Variants in THSD7B observed in about 807,000 individuals in gnomAD.
The protein encoded by THSD7B is thrombospondin type-1 domain-containing protein 7B.
THSD7B carries 138 observed loss-of-function variants against 213.6 expected under a neutral mutation model. The ratio of observed to expected loss-of-function variants is 0.65; its 90% CI spans 0.56 to 0.74. The LOEUF (loss-of-function observed/expected upper bound fraction) is 0.74, where lower values mean the gene tolerates loss of function less well. Among genes scored for constraint, THSD7B ranks in the 30% least tolerant of loss-of-function variants. The pLI is 0.00. For synonymous variants in THSD7B, 742 were observed against 687.0 expected (o/e 1.08, Z -1.25); for missense variants, 1,931 against 1,991.5 (o/e 0.97, Z 0.58).
At chr2:137,620,047 T>A (rs1682487995) in intron 19 of THSD7B, among the ~76,000 whole-genome samples, 1 of 152,182 alleles carries the variant, frequency 6.6e-6, no homozygotes, top group Non-Finnish European at 1.5e-5. Context: ...CATTAGAAAA[T>A]TTGTATGGTT....
rs1357307083 is a variant in THSD7B, at chr2:137,618,413, G to A, written c.3587G>A (p.Ser1196Asn). The change falls in exon 19 of 28, where the codon AGT becomes AAT. Residue 1196 changes from serine (S) to asparagine (N), a missense_variant. Transcript: ENST00000409968. The stretch of plus-strand genomic sequence containing the variant: ...GTAGAGTGGAGCACATGCCAGCTGA[G>A]TGAAAACGCACCCTGTGGTCAAGGC... ...NLTEWSTCQL[S>N]ENAPCGQGVR... 6 of 1,613,834 alleles carry A rather than the reference G, an allele frequency of 3.7e-6. No homozygotes were observed. The highest frequency in any genetic ancestry group is 5.1e-6 in the Non-Finnish European group (6 of 1,179,850).
At chr2:137,255,416 A>C (rs991728479) in intron 10 of THSD7B, among the ~76,000 whole-genome samples, 2 of 152,144 alleles carry the variant, frequency 1.3e-5, no homozygotes, top group African/African-American at 4.8e-5. Context: ...GTCATGATTT[A>C]CATCTCCACA....
chr2:137,577,557 T>TA (rs1053532077), intron 17 of THSD7B, among the ~76,000 whole-genome samples: 13 of 152,052 alleles, frequency 8.5e-5, no homozygotes, highest in African/African-American at 2.9e-4. Context: ...TTCTCAGTTA[T>TA]AAAAAACATT....
chr2:137,527,731 A>C (rs563991181), intron 15 of THSD7B, among the ~76,000 whole-genome samples: 1 of 152,062 alleles, frequency 6.6e-6, no homozygotes, highest in Non-Finnish European at 1.5e-5. Flanking sequence ...CTGTGACCCA[A>C]GAAGGACTGC....
At chr2:137,553,378 G>A (rs370675132) in intron 15 of THSD7B, among the ~76,000 whole-genome samples, 36 of 152,200 alleles carry the variant, frequency 2.4e-4, no homozygotes, top group African/African-American at 7.5e-4. Context: ...GTAAGACCCC[G>A]CTTCCAAGTT....
At chr2:137,402,674 C>A (rs1686397268) in intron 12 of THSD7B, among the ~76,000 whole-genome samples, 1 of 151,686 alleles carries the variant, frequency 6.6e-6, no homozygotes, top group African/African-American at 2.4e-5. Context: ...AAAAAATTAG[C>A]CAGGCATGGT....
chr2:137,169,674 GTTGA>G (rs1680205093), intron 6 of THSD7B, among the ~76,000 whole-genome samples: 1 of 152,148 alleles, frequency 6.6e-6, no homozygotes. Flanking sequence ...AAAGGAATCT[GTTGA>G]TTGAATTTGG....
At chr2:137,290,696 C>T (rs1683312825) in intron 12 of THSD7B, among the ~76,000 whole-genome samples, 1 of 152,094 alleles carries the variant, frequency 6.6e-6, no homozygotes, top group Admixed American at 6.6e-5. Context: ...CACCAATCAC[C>T]TTAGAGACAA....
At chr2:137,238,203 A>G (rs1200215664) in intron 9 of THSD7B, among the ~76,000 whole-genome samples, 1 of 152,134 alleles carries the variant, frequency 6.6e-6, no homozygotes, top group Admixed American at 6.5e-5. Context: ...TCTCTATAGA[A>G]AGCTTGAAGT....
intron 15 of THSD7B, among the ~76,000 whole-genome samples, chr2:137,547,801 A>T (rs533941371): frequency 1.3e-5 from 2 of 152,070 alleles, no homozygotes; most frequent in African/African-American, 4.8e-5. Context: ...AAGAACTCTG[A>T]TGTGCTTCAG....
At chr2:137,257,273 G>C (rs930620356) in intron 10 of THSD7B, among the ~76,000 whole-genome samples, 16 of 152,150 alleles carry the variant, frequency 1.1e-4, no homozygotes, top group Non-Finnish European at 1.8e-4. Context: ...TCATGACCTG[G>C]AGTGTGCTCA....
Position 137,015,706 on chromosome 2 carries a change from C to T in THSD7B, c.140-40714C>T, listed in dbSNP as rs138489842. Among the ~76,000 whole-genome samples the T allele has an allele frequency of 4.6e-3, 697 of 152,230 alleles. 6 individuals carry two copies. The highest frequency in any genetic ancestry group is 0.015 in the African/African-American group (636 of 41,542). On this transcript the variant is annotated intron_variant, in intron 2 of 27. Coordinates refer to ENST00000409968, the MANE Select transcript of THSD7B (RefSeq NM_001316349.2). ...TTGGAACCAAAACACTCTCCTGCAC[C>T]GTTACCCTTTACTTTAAAAAGTCTC...
At chr2:137,398,748 C>A (rs1453536183) in intron 12 of THSD7B, among the ~76,000 whole-genome samples, 1 of 152,210 alleles carries the variant, frequency 6.6e-6, no homozygotes, top group Non-Finnish European at 1.5e-5. Flanking sequence ...CAATGGTGGG[C>A]GCCCCTCCCC....
At chr2:137,590,834 C>T (rs1197202007) in intron 17 of THSD7B, among the ~76,000 whole-genome samples, 5 of 119,300 alleles carry the variant, frequency 4.2e-5, no homozygotes, top group African/African-American at 1.6e-4. Context: ...GTACATAATA[C>T]CTGATGGTAT....
chr2:137,051,875 C>A (rs1376133857), intron 2 of THSD7B, among the ~76,000 whole-genome samples: 2 of 152,082 alleles, frequency 1.3e-5, no homozygotes, highest in Non-Finnish European at 2.9e-5. Context: ...TTATTGAACA[C>A]CACACCTAAA....
At chr2:137,315,431 C>T (rs1049529650) in intron 12 of THSD7B, among the ~76,000 whole-genome samples, 23 of 152,212 alleles carry the variant, frequency 1.5e-4, no homozygotes, top group African/African-American at 2.9e-4. Context: ...GAGATGAACC[C>T]GATACCTCAG....
At chr2:136,856,958 G>A (rs914044008) in intron 1 of THSD7B, among the ~76,000 whole-genome samples, 3 of 152,184 alleles carry the variant, frequency 2.0e-5, no homozygotes, top group African/African-American at 7.2e-5. Context: ...CTGAAGTTTA[G>A]TTAATTTTAC....
chr2:136,774,747 C>A (rs971502664), intron 1 of THSD7B, among the ~76,000 whole-genome samples: 1 of 152,006 alleles, frequency 6.6e-6, no homozygotes, highest in Non-Finnish European at 1.5e-5. Flanking sequence ...AAGGCTATAT[C>A]GTGTAAGAGT....
intron 12 of THSD7B, among the ~76,000 whole-genome samples, chr2:137,370,066 C>T (rs946976972): frequency 2.0e-5 from 3 of 151,900 alleles, no homozygotes; most frequent in Non-Finnish European, 2.9e-5. Context: ...GAAATACAAA[C>T]GTATGCTCCT....
Sources: gnomAD v4.1 joint callset for allele counts (sites outside exome capture counted in the v4.1 genomes callset) on GRCh38, gnomAD v4.1.1 for gene constraint, MANE v1.5 for transcripts, NCBI Gene and HGNC (gene_info 2026-07-23, HGNC 2026-07-21) for gene names.